Variants in GNG4 observed in about 807,000 individuals in gnomAD.
GNG4 encodes G protein subunit gamma 4.
Under a neutral mutation model 5.8 loss-of-function variants are expected in GNG4, and 4 were observed. The ratio of observed to expected loss-of-function variants is 0.69; its 90% CI spans 0.34 to 1.57. The LOEUF is 1.57. Ranked by LOEUF, GNG4 falls within the 40% of genes most tolerant of loss-of-function variation. The pLI is 0.06. For missense variants in GNG4, 96 were observed against 95.1 expected (o/e 1.01, Z -0.04); for synonymous variants, 29 against 32.9 (o/e 0.88, Z 0.41).
intron 3 of GNG4, among the ~76,000 whole-genome samples, chr1:235,561,397 GCTCT>G (rs879363135): frequency 4.1e-5 from 6 of 144,896 alleles, no homozygotes; most frequent in South Asian, 2.1e-4. Flanking sequence ...ACGCGCTCGC[GCTCT>G]CTCTCTCTAT....
Position 235,585,545 on chromosome 1 carries a change from G to A in GNG4, c.-10-1697C>T, listed in dbSNP as rs372972311. The stretch of plus-strand genomic sequence containing the variant: ...TAACGTGTGTGTGCTTTTGAACTTT[G>A]TTTTTATATTTAGCAATACATTTTA... On this transcript the variant is annotated intron_variant, in intron 2 of 3. Coordinates refer to ENST00000391854, the MANE Select transcript of GNG4 (RefSeq NM_001098722.2). 1.3e-4 allele frequency among the ~76,000 whole-genome samples: 20 copies of A among 152,128 alleles called. No individual in the cohort carries two copies. In the South Asian group the frequency reaches 4.1e-3, roughly 32 times the overall value.
At position 235,628,015 on chromosome 1, in the gene GNG4, T is replaced by C. The variant is rs1017516901; in HGVS notation, c.-123+21647A>G. ...GACGAACATGAAGAAACCCCGTCTC[T>C]ACTACAAATACAAAATTAGCTGGGC... On this transcript the variant is annotated intron_variant, in intron 1 of 3. Transcript: ENST00000391854. Among the ~76,000 whole-genome samples the C allele has an allele frequency of 5.9e-5, 9 of 151,970 alleles. No individual in the cohort carries two copies. In the South Asian group the frequency reaches 1.0e-3, roughly 18 times the overall value.
rs578048131 is a variant in GNG4 at position 235,567,648 on chromosome 1, T to C, written c.100-15411A>G. ...GTCCCACATGTCTGAGTTTCCTTCC[T>C]GTTTAAGGCTGAATAATTTTCTGTT... On this transcript the variant is annotated intron_variant, in intron 3 of 3. Transcript: ENST00000391854. 2.3e-4 allele frequency among the ~76,000 whole-genome samples: 35 copies of C among 152,290 alleles called. No homozygotes were observed. In the South Asian group the frequency reaches 7.2e-3, roughly 32 times the overall value.
intron 2 of GNG4, among the ~76,000 whole-genome samples, chr1:235,584,632 G>T (rs903611153): frequency 2.7e-5 from 4 of 148,154 alleles, no homozygotes; most frequent in African/African-American, 7.4e-5. Flanking sequence ...TTGATGCCCC[G>T]TGACTAAGAC....
intron 3 of GNG4, among the ~76,000 whole-genome samples, chr1:235,577,588 G>A (rs1401620736): frequency 2.0e-5 from 3 of 152,166 alleles, no homozygotes; most frequent in South Asian, 2.1e-4. Flanking sequence ...CTACAGGCAC[G>A]TGCCACCACG....
chr1:235,577,684 C>G (rs1324263818), intron 3 of GNG4, among the ~76,000 whole-genome samples: 2 of 151,814 alleles, frequency 1.3e-5, no homozygotes, highest in Admixed American at 6.6e-5. Context: ...CGTGATCCAC[C>G]CGCCCTGGCC....
intron 1 of GNG4, among the ~76,000 whole-genome samples, chr1:235,596,018 C>A (rs984102125): frequency 2.6e-5 from 4 of 151,074 alleles, no homozygotes; most frequent in Admixed American, 6.6e-5. Context: ...ACTAAAAATA[C>A]AAAAAATTAG....
intron 1 of GNG4, among the ~76,000 whole-genome samples, chr1:235,596,762 G>A (rs980111769): frequency 5.3e-5 from 8 of 152,082 alleles, no homozygotes; most frequent in East Asian, 1.9e-4. Flanking sequence ...GTCTCGCTTC[G>A]TTGCCCAGGC....
rs573069421 is a variant in GNG4, at chr1:235,645,486, G to A, written c.-123+4176C>T. Among the ~76,000 whole-genome samples, 14 of 152,288 alleles carry A rather than the reference G, an allele frequency of 9.2e-5. 1 individual carries two copies. Among genetic ancestry groups the A allele is most frequent in the Admixed American group, 6.5e-4 (10 of 15,300 alleles). ...ACATGTAAACACTTTTTCTGCTGTAGTTGTAGAGGTGCTTGAATAAGAATG... is the reference window on the plus strand; with the variant it reads ...ACATGTAAACACTTTTTCTGCTGTAATTGTAGAGGTGCTTGAATAAGAATG... On this transcript the variant is annotated intron_variant, in intron 1 of 3. Coordinates refer to ENST00000391854, the MANE Select transcript of GNG4 (RefSeq NM_001098722.2).
intron 1 of GNG4, among the ~76,000 whole-genome samples, chr1:235,600,892 C>T (rs1418988532): frequency 2.0e-5 from 3 of 152,230 alleles, no homozygotes; most frequent in Admixed American, 2.0e-4. Context: ...CCCTCAAGGG[C>T]AGAGGCCTTG....
chr1:235,641,552 G>A (rs1302936156), intron 1 of GNG4, among the ~76,000 whole-genome samples: 5 of 152,144 alleles, frequency 3.3e-5, no homozygotes, highest in African/African-American at 9.7e-5. Flanking sequence ...ATTAGCTGGC[G>A]TGGTGGCGGG....
At chr1:235,611,566 G>A (rs1427243952) in intron 1 of GNG4, among the ~76,000 whole-genome samples, 1 of 152,110 alleles carries the variant, frequency 6.6e-6, no homozygotes, top group African/African-American at 2.4e-5. Context: ...TGTGACTTAG[G>A]GTCCATAAAG....
At chr1:235,614,341 A>T (rs1688543023) in intron 1 of GNG4, among the ~76,000 whole-genome samples, 1 of 151,740 alleles carries the variant, frequency 6.6e-6, no homozygotes, top group Non-Finnish European at 1.5e-5. Flanking sequence ...CTTTTCACAA[A>T]AGCAGCTTTT....
intron 3 of GNG4, among the ~76,000 whole-genome samples, chr1:235,557,888 A>G (rs1168595105): frequency 6.6e-6 from 1 of 152,020 alleles, no homozygotes; most frequent in African/African-American, 2.4e-5. Flanking sequence ...CACCCTAACA[A>G]TTATGCTATT....
At chr1:235,618,954 C>T (rs577779705) in intron 1 of GNG4, among the ~76,000 whole-genome samples, 3 of 150,860 alleles carry the variant, frequency 2.0e-5, no homozygotes, top group East Asian at 3.9e-4. Flanking sequence ...CTGCACGCCG[C>T]CAGTGAGTTT....
intron 1 of GNG4, among the ~76,000 whole-genome samples, chr1:235,635,522 G>A (rs1689016203): frequency 4.6e-5 from 2 of 43,678 alleles, no homozygotes; most frequent in Non-Finnish European, 8.6e-5. Context: ...GATTCCTGAT[G>A]TATGGAGGTG....
At chr1:235,586,993 G>A (rs1687773639) in intron 2 of GNG4, among the ~76,000 whole-genome samples, 1 of 152,036 alleles carries the variant, frequency 6.6e-6, no homozygotes, top group Non-Finnish European at 1.5e-5. Flanking sequence ...TTTGACTTGG[G>A]CATTTAGGAG....
chr1:235,581,411 C>T (rs1055164463), intron 3 of GNG4, among the ~76,000 whole-genome samples: 1 of 151,794 alleles, frequency 6.6e-6, no homozygotes, highest in African/African-American at 2.4e-5. Flanking sequence ...CGCCTGTAGT[C>T]CCAGCTACTC....
chr1:235,576,620 T>C (rs1687490923), intron 3 of GNG4, among the ~76,000 whole-genome samples: 1 of 152,192 alleles, frequency 6.6e-6, no homozygotes, highest in Non-Finnish European at 1.5e-5. Context: ...TTTTAGCTGC[T>C]GATAAGAGTT....
Sources: gnomAD v4.1 joint callset for allele counts (sites outside exome capture counted in the v4.1 genomes callset) on GRCh38, gnomAD v4.1.1 for gene constraint, MANE v1.5 for transcripts, NCBI Gene and HGNC (gene_info 2026-07-23, HGNC 2026-07-21) for gene names.